The following PTPRD variants were observed in gnomAD, a reference collection of about 807,000 sequenced individuals.
The protein encoded by PTPRD is receptor-type tyrosine-protein phosphatase delta.
PTPRD carries 34 observed loss-of-function variants against 214.5 expected under a neutral mutation model. That is an observed-to-expected ratio of 0.16 (90% confidence interval 0.12 to 0.21). The LOEUF (loss-of-function observed/expected upper bound fraction) is 0.21. PTPRD is among the 10% of genes least tolerant of loss of function. The pLI is 1.00. For synonymous variants in PTPRD, 1,128 were observed against 845.7 expected, an observed-to-expected ratio of 1.33 and a Z score of -5.79; for missense variants, 2,545 against 2,398.7, an observed-to-expected ratio of 1.06 and a Z score of -1.27.
At chr9:9,265,930 GAC>G (rs1321541388) in intron 9 of PTPRD, among the ~76,000 whole-genome samples, 3 of 151,426 alleles carry the variant, frequency 2.0e-5, no homozygotes, top group Admixed American at 2.0e-4. Context: ...CCAATCAAAA[GAC>G]AGAGTGGCTA....
At chr9:10,416,641 C>A (rs919105395) in intron 2 of PTPRD, among the ~76,000 whole-genome samples, 4 of 151,300 alleles carry the variant, frequency 2.6e-5, no homozygotes, top group African/African-American at 9.7e-5. Context: ...GTTGGTATGG[C>A]AAAGGTGAGT....
intron 5 of PTPRD, among the ~76,000 whole-genome samples, chr9:9,854,748 C>T (rs560552065): frequency 2.0e-5 from 3 of 151,984 alleles, no homozygotes; most frequent in Non-Finnish European, 2.9e-5. Context: ...AGCCAGTACC[C>T]CCAGAAAACC....
chr9:10,009,782 A>G (rs1048428839), intron 4 of PTPRD, among the ~76,000 whole-genome samples: 2 of 151,902 alleles, frequency 1.3e-5, no homozygotes, highest in Non-Finnish European at 2.9e-5. Flanking sequence ...TTGGGATAAA[A>G]CATTTTAATT....
At chr9:10,210,337 G>A (rs1465728653) in intron 3 of PTPRD, among the ~76,000 whole-genome samples, 1 of 152,120 alleles carries the variant, frequency 6.6e-6, no homozygotes, top group Non-Finnish European at 1.5e-5. Flanking sequence ...TGAGAAGATG[G>A]AGAGATAATA....
At chr9:9,972,624 T>C (rs1349829045) in intron 4 of PTPRD, among the ~76,000 whole-genome samples, 1 of 152,222 alleles carries the variant, frequency 6.6e-6, no homozygotes, top group Non-Finnish European at 1.5e-5. Context: ...TTGTACAGTT[T>C]TGGAGGTTGG....
At chr9:8,890,660 C>T (rs2098531230) in intron 11 of PTPRD, among the ~76,000 whole-genome samples, 1 of 152,210 alleles carries the variant, frequency 6.6e-6, no homozygotes, top group Non-Finnish European at 1.5e-5. Context: ...AACAAATTTT[C>T]TTCCTATTTT....
chr9:9,083,908 T>C (rs1226384897), intron 10 of PTPRD, among the ~76,000 whole-genome samples: 1 of 152,110 alleles, frequency 6.6e-6, no homozygotes. Context: ...AAACAACAGA[T>C]GCTAGAGAGG....
At chr9:10,051,557 G>A (rs930088162) in intron 3 of PTPRD, among the ~76,000 whole-genome samples, 24 of 151,550 alleles carry the variant, frequency 1.6e-4, no homozygotes, top group African/African-American at 4.1e-4. Context: ...CCATTAACTC[G>A]TCATTTAGCA....
chr9:8,823,492 C>A (rs2097113095), intron 11 of PTPRD, among the ~76,000 whole-genome samples: 1 of 152,144 alleles, frequency 6.6e-6, no homozygotes, highest in African/African-American at 2.4e-5. Flanking sequence ...CTCAAGAAAT[C>A]ACACCTTAGC....
intron 8 of PTPRD, among the ~76,000 whole-genome samples, chr9:9,485,614 AAGAT>A: frequency 6.6e-6 from 1 of 152,322 alleles, no homozygotes; most frequent in East Asian, 1.9e-4. Context: ...GTGATCAAAT[AAGAT>A]CTGCTCAATT....
intron 9 of PTPRD, among the ~76,000 whole-genome samples, chr9:9,390,382 G>C (rs540407534): frequency 5.3e-5 from 8 of 152,206 alleles, no homozygotes; most frequent in African/African-American, 1.9e-4. Flanking sequence ...TACTTATTAA[G>C]AGAAATGGGA....
intron 2 of PTPRD, among the ~76,000 whole-genome samples, chr9:10,454,505 C>A (rs192359885): frequency 1.3e-5 from 2 of 151,578 alleles, no homozygotes; most frequent in East Asian, 1.9e-4. Context: ...CCACTTCTAC[C>A]ATCCTCACTA....
intron 10 of PTPRD, among the ~76,000 whole-genome samples, chr9:9,157,986 C>T (rs12554503): frequency 0.33 from 50,019 of 151,980 alleles, 8,578 homozygotes; most frequent in Middle Eastern, 0.39. Context: ...TTTTCTGTTC[C>T]TGCGTGTTTG....
chr9:10,519,459 T>C (rs1192928137), intron 2 of PTPRD, among the ~76,000 whole-genome samples: 3 of 152,188 alleles, frequency 2.0e-5, no homozygotes, highest in South Asian at 2.1e-4. Context: ...AACCAATATA[T>C]GCCAAACAAA....
intron 4 of PTPRD, among the ~76,000 whole-genome samples, chr9:10,018,822 T>C (rs2096782823): frequency 6.6e-6 from 1 of 152,078 alleles, no homozygotes; most frequent in Non-Finnish European, 1.5e-5. Flanking sequence ...GTGCTGGGAT[T>C]ACAGGCGTGA....
intron 12 of PTPRD, among the ~76,000 whole-genome samples, chr9:8,676,780 G>C (rs1040770181): frequency 6.6e-6 from 1 of 152,114 alleles, no homozygotes; most frequent in Non-Finnish European, 1.5e-5. Context: ...CTCCATTTTG[G>C]TCAAGCTGGT....
intron 14 of PTPRD, among the ~76,000 whole-genome samples, chr9:8,595,868 G>T (rs2094449676): frequency 6.6e-6 from 1 of 152,144 alleles, no homozygotes; most frequent in South Asian, 2.1e-4. Flanking sequence ...CTTTAAAGGT[G>T]TAAGTTAGTA....
chr9:8,670,551 A>C (rs1042538094), intron 12 of PTPRD, among the ~76,000 whole-genome samples: 1 of 152,228 alleles, frequency 6.6e-6, no homozygotes, highest in African/African-American at 2.4e-5. Context: ...TCACAACAGT[A>C]ACCACTATGC....
At chr9:9,658,512 A>T (rs988906608) in intron 7 of PTPRD, among the ~76,000 whole-genome samples, 1 of 152,156 alleles carries the variant, frequency 6.6e-6, no homozygotes, top group African/African-American at 2.4e-5. Context: ...GGAGTTTGAT[A>T]ACTGTTTGTA....
Sources: gnomAD v4.1 joint callset for allele counts (sites outside exome capture counted in the v4.1 genomes callset) on GRCh38, gnomAD v4.1.1 for gene constraint, MANE v1.5 for transcripts, NCBI Gene and HGNC (gene_info 2026-07-23, HGNC 2026-07-21) for gene names.